The following EEA1 variants were observed in gnomAD, a reference collection of about 807,000 sequenced individuals.
The protein encoded by EEA1 is early endosome antigen 1, also known as early endosome antigen 1, 162kD.
A neutral mutation model predicts 209.2 loss-of-function variants in EEA1; 111 were observed. That is an observed-to-expected ratio of 0.53 (90% CI 0.45 to 0.62). The LOEUF is 0.62. EEA1 is among the 20% of genes least tolerant of loss of function. The probability of loss-of-function intolerance (pLI) is 0.00; values close to 1 mark genes in which losing one functional copy is unlikely to be tolerated. For missense variants in EEA1, 1,343 were observed against 1,530.8 expected (o/e 0.88, Z 2.05); for synonymous variants, 536 against 540.6 (o/e 0.99, Z 0.12).
Position 92,852,290 on chromosome 12 carries a change from T to A in EEA1, c.527A>T (p.Lys176Met). Residue 176 changes from lysine to methionine, a missense_variant, in exon 8 of 29, where the codon AAG becomes ATG. Lys to Met is a moderately conservative substitution (Grantham distance 95). Transcript: ENST00000322349. The stretch of plus-strand genomic sequence containing the variant: ...ACTCCTTTCTTCATCATACTTTGAC[T>A]TTATATCTAATTAAAGATAGTTATA... ...AQLATEIADI[K>M]SKYDEERSLR... 1 of 1,561,896 alleles carries A rather than the reference T, an allele frequency of 6.4e-7. No homozygotes were observed. The highest frequency in any genetic ancestry group is 8.6e-7 in the Non-Finnish European group (1 of 1,158,634).
chr12:92,916,750 C>T (rs1880776521), intron 1 of EEA1, among the ~76,000 whole-genome samples: 1 of 128,316 alleles, frequency 7.8e-6, no homozygotes, highest in East Asian at 2.0e-4. Flanking sequence ...TGGAGAATGA[C>T]TTTGACGAGC....
chr12:92,891,216 C>T (rs1425353599), intron 2 of EEA1, among the ~76,000 whole-genome samples: 1 of 149,790 alleles, frequency 6.7e-6, no homozygotes, highest in Non-Finnish European at 1.5e-5. Context: ...TCTTTAATAT[C>T]AAAGACAAAA....
At chr12:92,850,625 T>G (rs9739336) in intron 9 of EEA1, among the ~76,000 whole-genome samples, 140,540 of 147,394 alleles carry the variant, frequency 0.95, 67,025 homozygotes, top group East Asian at 1. Flanking sequence ...GGGAGGTGGA[T>G]GTTGCAGTGA....
intron 21 of EEA1, 87 bp downstream of exon 21, chr12:92,798,805 C>T: frequency 9.8e-7 from 1 of 1,015,432 alleles, no homozygotes; most frequent in Non-Finnish European, 1.4e-6. Context: ...TTCAATGTTG[C>T]AACTTATCCA....
chr12:92,795,271 C>G lies in EEA1; in HGVS notation c.2967+3621G>C, dbSNP rs561994659. On this transcript the variant is annotated intron_variant, in intron 21 of 28. Coordinates refer to ENST00000322349, the MANE Select transcript of EEA1 (RefSeq NM_003566.4). ...TTGGTCATCTGTTTTTAGAAAATACCAACATCAACTCAAATCTCTTCAGCA... is the reference window on the plus strand; with the variant it reads ...TTGGTCATCTGTTTTTAGAAAATACGAACATCAACTCAAATCTCTTCAGCA... Among the ~76,000 whole-genome samples the G allele has an allele frequency of 2.6e-5, 4 of 152,236 alleles. No homozygotes were observed. The South Asian group carries it at 8.3e-4, about 32-fold the overall frequency.
rs1233580175 is a variant in EEA1, at chr12:92,862,149, G to A, written c.245+2711C>T. ...ATGTCATCCACAGTGTTATAGTGGA[G>A]TAGAATGTAATTGTCAGAAACTGAG... On this transcript the variant is annotated intron_variant, in intron 3 of 28. Transcript: ENST00000322349. 2.0e-5 allele frequency among the ~76,000 whole-genome samples: 3 copies of A among 152,136 alleles called. No individual in the cohort carries two copies. In the South Asian group the frequency reaches 6.2e-4, roughly 32 times the overall value.
intron 1 of EEA1, among the ~76,000 whole-genome samples, chr12:92,910,627 A>G (rs1425697286): frequency 2.6e-5 from 4 of 152,222 alleles, no homozygotes; most frequent in Admixed American, 2.6e-4. Flanking sequence ...GAAAGAATTA[A>G]TAAGCTGGAC....
intron 1 of EEA1, among the ~76,000 whole-genome samples, chr12:92,926,123 C>T (rs1425977657): frequency 1.3e-5 from 2 of 151,718 alleles, no homozygotes; most frequent in African/African-American, 2.4e-5. Flanking sequence ...CCTCCTGAGT[C>T]GCTGGGATTA....
chr12:92,852,508 A>T (rs1189253516), intron 7 of EEA1, among the ~76,000 whole-genome samples: 1 of 152,120 alleles, frequency 6.6e-6, no homozygotes, highest in East Asian at 1.9e-4. Context: ...TAAGTTAATA[A>T]TTAGCATTTT....
chr12:92,817,776 T>C (rs1875863661), intron 14 of EEA1, among the ~76,000 whole-genome samples: 1 of 152,196 alleles, frequency 6.6e-6, no homozygotes, highest in South Asian at 2.1e-4. Context: ...TCCCAGCACA[T>C]ATTTAATATT....
At chr12:92,834,142 C>T (rs770152474) in intron 10 of EEA1, among the ~76,000 whole-genome samples, 3 of 151,624 alleles carry the variant, frequency 2.0e-5, no homozygotes, top group Non-Finnish European at 4.4e-5. Context: ...ACATGGGAAA[C>T]GCAGCAATAA....
intron 1 of EEA1, among the ~76,000 whole-genome samples, chr12:92,908,128 A>G (rs1268796917): frequency 2.0e-5 from 3 of 152,250 alleles, no homozygotes; most frequent in Non-Finnish European, 4.4e-5. Context: ...TACATCCACA[A>G]TGAAATATTA....
At chr12:92,785,305 C>T (rs950093169) in intron 22 of EEA1, among the ~76,000 whole-genome samples, 1 of 152,086 alleles carries the variant, frequency 6.6e-6, no homozygotes, top group African/African-American at 2.4e-5. Context: ...ATAGATCAGG[C>T]CAGGCTACCT....
chr12:92,920,247 C>CT (rs1274810630), intron 1 of EEA1, among the ~76,000 whole-genome samples: 1 of 92,578 alleles, frequency 1.1e-5, no homozygotes, highest in African/African-American at 5.4e-5. Flanking sequence ...GAAAAAACTA[C>CT]TTTAAAGTTC....
At chr12:92,811,551 G>T in intron 16 of EEA1, 117 bp from the exon 17 acceptor site, 1 of 642,706 alleles carries the variant, frequency 1.6e-6, no homozygotes, top group Non-Finnish European at 2.3e-6. Flanking sequence ...TGGAGTAAGA[G>T]CTCAGATAAA....
At chr12:92,793,063 C>CCTCGA (rs1874485166) in intron 21 of EEA1, among the ~76,000 whole-genome samples, 1 of 151,986 alleles carries the variant, frequency 6.6e-6, no homozygotes. Flanking sequence ...CAGAAAAGGC[C>CCTCGA]CTCGACAAAA....
chr12:92,921,759 G>GAAA (rs751838383), intron 1 of EEA1, among the ~76,000 whole-genome samples: 6 of 76,712 alleles, frequency 7.8e-5, no homozygotes, highest in Middle Eastern at 0.012. Context: ...TAAAAAAAAA[G>GAAA]AAAAAAAAAA....
chr12:92,829,097 T>C (rs538264876), intron 11 of EEA1, among the ~76,000 whole-genome samples: 25 of 152,338 alleles, frequency 1.6e-4, no homozygotes, highest in Non-Finnish European at 3.4e-4. Flanking sequence ...GTAGGTACTG[T>C]CTCTTACTCA....
intron 11 of EEA1, among the ~76,000 whole-genome samples, chr12:92,831,059 A>G (rs11831964): frequency 0.26 from 39,008 of 151,890 alleles, 5,455 homozygotes; most frequent in Non-Finnish European, 0.32. Flanking sequence ...GTATTAGCAT[A>G]TGTGAAGTGC....
Sources: allele counts gnomAD v4.1 joint callset (sites outside exome capture counted in the v4.1 genomes callset), GRCh38; gene constraint gnomAD v4.1.1; transcripts MANE v1.5; gene names NCBI Gene and HGNC (gene_info 2026-07-23, HGNC 2026-07-21).